The following DPP6 variants were observed in gnomAD, a reference collection of about 807,000 sequenced individuals.
The protein encoded by DPP6 is dipeptidyl peptidase like 6.
Under a neutral mutation model 122.6 loss-of-function variants are expected in DPP6, and 69 were observed. That is an observed-to-expected ratio of 0.56 (90% CI 0.46 to 0.69). The LOEUF is 0.69. DPP6 is among the 30% of genes least tolerant of loss of function. DPP6 has a pLI of 0.00. For synonymous variants in DPP6, 418 were observed against 433.1 expected (o/e 0.97, Z 0.43); for missense variants, 928 against 1,116.9 (o/e 0.83, Z 2.41).
intron 3 of DPP6, among the ~76,000 whole-genome samples, chr7:154,533,204 A>G (rs974684700): frequency 4.6e-5 from 7 of 152,172 alleles, no homozygotes; most frequent in Non-Finnish European, 8.8e-5. Context: ...CATAAAACTT[A>G]TGTTACATAA....
At chr7:154,872,534 A>C (rs2150640749) in intron 18 of DPP6, 90 bp from the exon 19 acceptor site, 1 of 1,509,258 alleles carries the variant, frequency 6.6e-7, no homozygotes, top group Middle Eastern at 1.7e-4. Flanking sequence ...CACCCAGAGC[A>C]CCCTCACCCC....
intron 2 of DPP6, among the ~76,000 whole-genome samples, chr7:154,467,684 T>G (rs904135626): frequency 3.3e-5 from 5 of 152,180 alleles, no homozygotes; most frequent in Non-Finnish European, 5.9e-5. Flanking sequence ...TGTTTCATAC[T>G]CCCTCTCTCC....
chr7:154,062,820 C>G (rs936133179), intron 1 of DPP6, among the ~76,000 whole-genome samples: 9 of 125,114 alleles, frequency 7.2e-5, no homozygotes, highest in East Asian at 2.4e-4. Context: ...AGGGGGGAGG[C>G]ACCCCCCGCG....
intron 1 of DPP6, among the ~76,000 whole-genome samples, chr7:154,350,896 G>A (rs972002379): frequency 1.3e-5 from 2 of 152,194 alleles, no homozygotes; most frequent in African/African-American, 4.8e-5. Flanking sequence ...ACTGGACAGT[G>A]TGTGGGAAAT....
rs1218364275 is a variant in DPP6, at chr7:154,624,344, C to T, written c.628-13477C>T. 3.7e-5 allele frequency among the ~76,000 whole-genome samples: 4 copies of T among 107,844 alleles called. No individual in the cohort carries two copies. In the East Asian group the frequency reaches 1.1e-3, roughly 30 times the overall value. The allele number at this position is 107,844 out of a possible 152,430, so 70.7% of individuals were successfully genotyped here. ...TCCATCTTAAAAAAAAAAAAAAAAT[C>T]AGCTTGGTGTGGTGGTAGGTGCCTA... On this transcript the variant is annotated intron_variant, in intron 5 of 25. Transcript: ENST00000377770. The surrounding 1 kb of genome is among the most constrained non-coding windows in gnomAD (Gnocchi z 4.7).
At chr7:153,937,347 A>C (rs1487991493) in intron 1 of DPP6, among the ~76,000 whole-genome samples, 3 of 151,122 alleles carry the variant, frequency 2.0e-5, no homozygotes, top group Non-Finnish European at 2.9e-5. Flanking sequence ...AAAACAGATG[A>C]GTTGTGGTGT....
intron 2 of DPP6, among the ~76,000 whole-genome samples, chr7:154,459,805 CAAAAAAAA>C (rs775605275): frequency 1.6e-5 from 1 of 63,080 alleles, no homozygotes; most frequent in East Asian, 4.3e-4. Context: ...GATTCCATCT[CAAAAAAAA>C]AAAAAAAAAA....
At chr7:154,691,585 C>T (rs71534162) in intron 7 of DPP6, among the ~76,000 whole-genome samples, 3,990 of 152,160 alleles carry the variant, frequency 0.026, 63 homozygotes, top group Non-Finnish European at 0.04. Context: ...TTTGGGAAGC[C>T]GAGGCGGGTG....
At chr7:153,972,921 A>G (rs555599066) in intron 1 of DPP6, among the ~76,000 whole-genome samples, 1 of 152,116 alleles carries the variant, frequency 6.6e-6, no homozygotes, top group East Asian at 1.9e-4. Context: ...ATTTATTTAA[A>G]AAGAGGGAGG....
At chr7:153,923,898 T>G (rs1476791180) in intron 1 of DPP6, among the ~76,000 whole-genome samples, 1 of 151,854 alleles carries the variant, frequency 6.6e-6, no homozygotes, top group Non-Finnish European at 1.5e-5. Flanking sequence ...ATATCAAGTA[T>G]GGGATACAAA....
At chr7:154,737,616 T>G (rs1842630479) in intron 8 of DPP6, among the ~76,000 whole-genome samples, 1 of 152,208 alleles carries the variant, frequency 6.6e-6, no homozygotes, top group South Asian at 2.1e-4. Flanking sequence ...TTAAGTGGCC[T>G]TTCTGTGGAC....
At chr7:154,289,824 G>T (rs190202102) in intron 1 of DPP6, among the ~76,000 whole-genome samples, 1 of 152,126 alleles carries the variant, frequency 6.6e-6, no homozygotes, top group African/African-American at 2.4e-5. Flanking sequence ...CAGTCCTGGC[G>T]TTATGCCATG....
intron 2 of DPP6, among the ~76,000 whole-genome samples, chr7:154,467,553 C>A (rs1192768452): frequency 6.6e-6 from 1 of 152,124 alleles, no homozygotes; most frequent in Non-Finnish European, 1.5e-5. Flanking sequence ...TTCCTGAGGC[C>A]TCCCCAGCCA....
At chr7:154,725,231 G>A (rs375701617) in intron 7 of DPP6, among the ~76,000 whole-genome samples, 26 of 152,260 alleles carry the variant, frequency 1.7e-4, no homozygotes, top group Non-Finnish European at 3.5e-4. Context: ...GTCCCAGCCC[G>A]TCAATCTTAA....
At chr7:154,504,620 G>A (rs978203198) in intron 3 of DPP6, among the ~76,000 whole-genome samples, 7 of 152,030 alleles carry the variant, frequency 4.6e-5, no homozygotes, top group African/African-American at 1.7e-4. Flanking sequence ...TTCTTTTCTT[G>A]TCCAACAGAT....
At chr7:154,785,009 G>T (rs1358120488) in intron 10 of DPP6, among the ~76,000 whole-genome samples, 2 of 152,144 alleles carry the variant, frequency 1.3e-5, no homozygotes, top group African/African-American at 4.8e-5. Flanking sequence ...ATCTAGAGCG[G>T]CTGTGATCAG....
chr7:154,351,912 C>T (rs1291744695), intron 1 of DPP6, among the ~76,000 whole-genome samples: 3 of 152,128 alleles, frequency 2.0e-5, no homozygotes, highest in Non-Finnish European at 2.9e-5. Flanking sequence ...TGGTCTGGGG[C>T]ATCTGCTCCC....
chr7:153,756,995 C>T, the DPP6 span, among the ~76,000 whole-genome samples: 2 of 152,074 alleles, frequency 1.3e-5, no homozygotes, highest in Admixed American at 6.5e-5. Flanking sequence ...AAAAGTTATA[C>T]CTCAAATGCA....
chr7:154,398,299 C>T (rs1272750996), intron 1 of DPP6, among the ~76,000 whole-genome samples: 2 of 152,152 alleles, frequency 1.3e-5, no homozygotes, highest in African/African-American at 4.8e-5. Flanking sequence ...AAATAATTGC[C>T]TAAGATCTCT....
Sources: allele counts gnomAD v4.1 joint callset (sites outside exome capture counted in the v4.1 genomes callset), GRCh38; gene constraint gnomAD v4.1.1; non-coding constraint Gnocchi (gnomAD v3.1); transcripts MANE v1.5; gene names NCBI Gene and HGNC (gene_info 2026-07-23, HGNC 2026-07-21).